The following RAB38 variants were observed in gnomAD, a reference collection of about 807,000 sequenced individuals.
RAB38 encodes the protein RAB38, member RAS oncogene family, also known as ras-related protein Rab-38.
In RAB38, 15 loss-of-function variants were observed where a neutral mutation model predicts 18.4. The observed-to-expected ratio is 0.82, with a 90% CI of 0.55 to 1.26. RAB38 has a LOEUF of 1.26. Ranked by LOEUF, RAB38 falls within the 50% of genes most tolerant of loss-of-function variation. The pLI, the probability that RAB38 is intolerant of heterozygous loss-of-function variation, is 0.00. For missense variants in RAB38, 294 were observed against 267.4 expected (o/e 1.10, Z -0.69); for synonymous variants, 101 against 104.4 (o/e 0.97, Z 0.20).
At chr11:88,049,623 G>A in the RAB38 span, among the ~76,000 whole-genome samples, 301 of 152,276 alleles carry the variant, frequency 2.0e-3, 3 homozygotes, top group African/African-American at 6.9e-3. Flanking sequence ...TCTTCACATG[G>A]ACGCGCGTGA....
the RAB38 span, among the ~76,000 whole-genome samples, chr11:88,032,512 A>G: frequency 2.0e-5 from 3 of 152,320 alleles, no homozygotes; most frequent in African/African-American, 7.2e-5. Flanking sequence ...AGAATCTACA[A>G]TGAACTCAAA....
the RAB38 span, among the ~76,000 whole-genome samples, chr11:88,043,954 G>T: frequency 2.0e-5 from 3 of 152,122 alleles, no homozygotes; most frequent in African/African-American, 7.2e-5. Flanking sequence ...AATCTAGTAA[G>T]CAACCTTTTT....
At chr11:88,053,498 A>G in the RAB38 span, among the ~76,000 whole-genome samples, 1 of 148,878 alleles carries the variant, frequency 6.7e-6, no homozygotes, top group Non-Finnish European at 1.5e-5. Context: ...TGGAATATAT[A>G]TATATATTCC....
At chr11:88,038,714 A>C in the RAB38 span, among the ~76,000 whole-genome samples, 1 of 152,196 alleles carries the variant, frequency 6.6e-6, no homozygotes, top group Non-Finnish European at 1.5e-5. Flanking sequence ...CTTACGAATT[A>C]TATATCTGCA....
the RAB38 span, among the ~76,000 whole-genome samples, chr11:88,032,611 A>C: frequency 2.0e-5 from 3 of 152,374 alleles, no homozygotes; most frequent in Non-Finnish European, 2.9e-5. Flanking sequence ...ATGCAGCCAA[A>C]AAACACATGA....
the RAB38 span, among the ~76,000 whole-genome samples, chr11:88,048,922 C>T: frequency 5.3e-5 from 8 of 152,236 alleles, no homozygotes; most frequent in Non-Finnish European, 1.2e-4. Flanking sequence ...CCTTTAATAC[C>T]TGTTTTTCTC....
At chr11:87,809,295 C>G in the RAB38 span, among the ~76,000 whole-genome samples, 1 of 152,148 alleles carries the variant, frequency 6.6e-6, no homozygotes, top group Admixed American at 6.5e-5. Flanking sequence ...GAAATCCTAA[C>G]AAAAGATGGC....
the RAB38 span, among the ~76,000 whole-genome samples, chr11:87,808,289 A>G: frequency 6.6e-6 from 1 of 152,244 alleles, no homozygotes; most frequent in African/African-American, 2.4e-5. Context: ...CACAATAGCC[A>G]TGATATGAAA....
the RAB38 span, among the ~76,000 whole-genome samples, chr11:87,928,166 T>G: frequency 6.6e-6 from 1 of 151,864 alleles, no homozygotes; most frequent in Non-Finnish European, 1.5e-5. Context: ...GCTAAATGAG[T>G]CAGTACATGT....
the RAB38 span, chr11:87,816,914 T>G: frequency 6.6e-6 from 1 of 152,284 alleles, no homozygotes; most frequent in African/African-American, 2.4e-5. Flanking sequence ...CATACAAAGT[T>G]TGAAGACCAC....
intron 1 of RAB38, among the ~76,000 whole-genome samples, chr11:88,168,002 G>C (rs971379533): frequency 6.6e-6 from 1 of 152,204 alleles, no homozygotes; most frequent in African/African-American, 2.4e-5. Context: ...CATCAGAAGA[G>C]GGAGAGAAAG....
chr11:87,933,579 G>A, the RAB38 span, among the ~76,000 whole-genome samples: 1 of 152,056 alleles, frequency 6.6e-6, no homozygotes, highest in Non-Finnish European at 1.5e-5. Context: ...AAGCTTCCTT[G>A]GTGTCTCTGG....
At chr11:88,089,919 T>C in the RAB38 span, among the ~76,000 whole-genome samples, 1 of 151,946 alleles carries the variant, frequency 6.6e-6, no homozygotes, top group Non-Finnish European at 1.5e-5. Flanking sequence ...TGTGGCTTGT[T>C]GGATAAGTGG....
At chr11:87,932,089 A>T in the RAB38 span, among the ~76,000 whole-genome samples, 3,713 of 152,020 alleles carry the variant, frequency 0.024, 72 homozygotes, top group Middle Eastern at 0.092. Context: ...CCCCAAGCCT[A>T]CCAGCTATAG....
At chr11:88,158,816 A>G (rs1943155883) in intron 1 of RAB38, among the ~76,000 whole-genome samples, 1 of 152,058 alleles carries the variant, frequency 6.6e-6, no homozygotes, top group African/African-American at 2.4e-5. Flanking sequence ...ACATGACACT[A>G]AAGAGGCAAA....
the RAB38 span, among the ~76,000 whole-genome samples, chr11:87,863,675 T>A: frequency 6.6e-6 from 1 of 151,808 alleles, no homozygotes; most frequent in Non-Finnish European, 1.5e-5. Context: ...CATTGCTTGA[T>A]AGAATCACTT....
At chr11:88,103,194 A>G in the RAB38 span, among the ~76,000 whole-genome samples, 4 of 152,048 alleles carry the variant, frequency 2.6e-5, no homozygotes, top group African/African-American at 9.7e-5. Context: ...TTTGAAGTAG[A>G]CATCTTATTT....
At chr11:87,965,697 T>C in the RAB38 span, among the ~76,000 whole-genome samples, 2 of 152,180 alleles carry the variant, frequency 1.3e-5, no homozygotes, top group Non-Finnish European at 2.9e-5. Flanking sequence ...GCGAACTACC[T>C]GAGCATTTTG....
intron 2 of RAB38, among the ~76,000 whole-genome samples, chr11:88,123,474 C>A (rs904599645): frequency 6.6e-6 from 1 of 152,182 alleles, no homozygotes; most frequent in African/African-American, 2.4e-5. Flanking sequence ...ATTTACTTTA[C>A]AGGTCCAACT....
Sources: gnomAD v4.1 joint callset for allele counts (sites outside exome capture counted in the v4.1 genomes callset) on GRCh38, gnomAD v4.1.1 for gene constraint, MANE v1.5 for transcripts, NCBI Gene and HGNC (gene_info 2026-07-23, HGNC 2026-07-21) for gene names.